Variants in KIZ observed in about 807,000 individuals in gnomAD.
KIZ encodes the protein kizuna centrosomal protein.
In KIZ, 68 loss-of-function variants were observed where a neutral mutation model predicts 79.6. The observed-to-expected ratio is 0.85, with a 90% CI of 0.70 to 1.05. KIZ has a LOEUF of 1.05. Ranked by LOEUF, KIZ falls within the 50% of genes least tolerant of loss-of-function variation. The pLI is 0.00. For synonymous variants in KIZ, 280 were observed against 281.8 expected, an observed-to-expected ratio of 0.99 and a Z score of 0.06; for missense variants, 797 against 800.4, an observed-to-expected ratio of 1.00 and a Z score of 0.05.
rs1408018999 is a variant in KIZ at position 21,162,008 on chromosome 20, G to T, written c.543G>T (p.Gln181His). ...RDFSTEHKSPQPTKNFSIPDP... is the reference protein window; with the variant it reads ...RDFSTEHKSPHPTKNFSIPDP... ...TCAGTACAGAGCACAAATCTCCCCA[G>T]CCCACAAAGAACTTTTCAATTCCTG... The change falls in exon 5 of 13, where the codon CAG becomes CAT. Residue 181 changes from glutamine (Q) to histidine (H), a missense_variant. By Grantham distance (24) the Gln-to-His change is conservative. Transcript: ENST00000619189. 1 of 1,613,914 alleles carries T rather than the reference G, an allele frequency of 6.2e-7. No homozygotes were observed. The highest frequency in any genetic ancestry group is 1.7e-5 in the Admixed American group (1 of 60,014).
chr20:21,190,410 T>G (rs2035060987), intron 6 of KIZ, among the ~76,000 whole-genome samples: 1 of 152,228 alleles, frequency 6.6e-6, no homozygotes. Flanking sequence ...TGTTTAAATC[T>G]TAATTTGCAT....
In KIZ at chr20:21,214,604, T is replaced by C. The variant is rs779494512; in HGVS notation, c.1516T>C (p.Ser506Pro). The change falls in exon 8 of 13, where the codon TCA (serine) becomes CCA (proline). Residue 506 changes from serine to proline, a missense_variant. Coordinates refer to ENST00000619189, the MANE Select transcript of KIZ (RefSeq NM_018474.6). ...TAGGTCAGCTATTCACAGTAGTGAA[T>C]CATCTTGCAGCTTGCCATCTATTCT... ...GRRSAIHSSE[S>P]SCSLPSILND... 15 of 1,613,058 alleles carry C rather than the reference T, an allele frequency of 9.3e-6. No homozygotes were observed. The highest frequency in any genetic ancestry group is 1.3e-5 in the Non-Finnish European group (15 of 1,179,242).
In KIZ at chr20:21,163,138, C is replaced by G. The variant is rs80251208; in HGVS notation, c.1331C>G (p.Ser444Cys). The change falls in exon 6 of 13, where the codon TCC becomes TGC. Residue 444 changes from serine (S) to cysteine (C), a missense_variant. Physicochemically the swap from Ser to Cys is moderately radical, Grantham distance 112. Transcript: ENST00000619189. ...TCTCCTGATTCAGAAAAGGAATCCT[C>G]CACTAACGCACCAACAAGAGAGTAA... Reference protein sequence around the residue: ...LSSPDSEKESSTNAPTREPGQ... With the variant: ...LSSPDSEKESCTNAPTREPGQ... 3.9e-4 allele frequency: 624 copies of G among 1,610,948 alleles called. 4 individuals carry two copies. The African/African-American group carries it at 7.7e-3, about 20-fold the overall frequency.
intron 1 of KIZ, among the ~76,000 whole-genome samples, chr20:21,126,602 G>A (rs1250280407): frequency 6.6e-6 from 1 of 152,106 alleles, no homozygotes; most frequent in African/African-American, 2.4e-5. Context: ...ATCCCGCCGT[G>A]ACAGCTGCAC....
At chr20:21,141,798 A>AACACACAC (rs373681499) in intron 3 of KIZ, among the ~76,000 whole-genome samples, 1 of 133,274 alleles carries the variant, frequency 7.5e-6, no homozygotes, top group African/African-American at 2.7e-5. Context: ...TACTCCTCCC[A>AACACACAC]ACACACACAC....
chr20:21,140,462 G>T (rs895409464), intron 3 of KIZ, among the ~76,000 whole-genome samples: 3 of 152,140 alleles, frequency 2.0e-5, no homozygotes, highest in Non-Finnish European at 4.4e-5. Context: ...GAGGTGGGCT[G>T]GGCCCAGTTC....
chr20:21,230,449 C>G (rs756139075), intron 10 of KIZ, among the ~76,000 whole-genome samples: 1 of 152,144 alleles, frequency 6.6e-6, no homozygotes, highest in Admixed American at 6.5e-5. Context: ...CACTGGGCAA[C>G]AGAGCAAGAC....
At chr20:21,152,276 TTAA>T (rs2033158138) in intron 4 of KIZ, among the ~76,000 whole-genome samples, 1 of 152,166 alleles carries the variant, frequency 6.6e-6, no homozygotes, top group Non-Finnish European at 1.5e-5. Flanking sequence ...TTTCTATAAT[TTAA>T]TAATTTTTAT....
chr20:21,204,105 G>GTTGTTTTTTTTTTTTTTTTTTTTT (rs2035706891), intron 6 of KIZ, among the ~76,000 whole-genome samples: 1 of 74,998 alleles, frequency 1.3e-5, no homozygotes, highest in African/African-American at 5.5e-5. Flanking sequence ...AGTCATCTAT[G>GTTGTTTTTTTTTTTTTTTTTTTTT]TTTTTTTTTT....
chr20:21,161,769 T>A (rs779797905), intron 4 of KIZ, 102 bp from the exon 5 acceptor site: 1 of 743,074 alleles, frequency 1.3e-6, no homozygotes, highest in Admixed American at 2.9e-5. Flanking sequence ...ATTTCAATAA[T>A]CATGCTTTGT....
Position 21,126,218 on chromosome 20 carries a change from G to T in KIZ, c.89+14G>T. 1 of 1,412,984 alleles carries T rather than the reference G, an allele frequency of 7.1e-7. No individual in the cohort carries two copies. The allele number at this position is 1,412,984 out of a possible 1,614,324, so 87.5% of individuals were successfully genotyped here. On this transcript the variant is annotated intron_variant, in intron 1 of 12. Coordinates refer to ENST00000619189, the MANE Select transcript of KIZ (RefSeq NM_018474.6). ...GCTGCGGGACAGGTAAGGGCACTGG[G>T]GCGGGGGTGGGGAGTCGGCCCGCGC...
chr20:21,181,025 A>G (rs1210223150), intron 6 of KIZ, among the ~76,000 whole-genome samples: 1 of 152,224 alleles, frequency 6.6e-6, no homozygotes, highest in African/African-American at 2.4e-5. Context: ...ATACAGCAGT[A>G]GGTAACCGGA....
At chr20:21,162,718 C>A in intron 5 of KIZ, 132 bp from the exon 6 acceptor site, 1 of 861,814 alleles carries the variant, frequency 1.2e-6, no homozygotes, top group Non-Finnish European at 1.8e-6. Flanking sequence ...CGTGTTTAAG[C>A]TTTTAAGTTC....
intron 9 of KIZ, 90 bp downstream of exon 9, chr20:21,215,738 A>T (rs1013858255): frequency 2.7e-6 from 2 of 748,758 alleles, no homozygotes; most frequent in Non-Finnish European, 4.6e-6. Context: ...TGTGGACCCC[A>T]CTAAGAGCAC....
intron 4 of KIZ, 58 bp from the exon 5 acceptor site, chr20:21,161,813 A>ATC (rs1555876844): frequency 1.8e-6 from 2 of 1,087,986 alleles, no homozygotes; most frequent in Non-Finnish European, 2.6e-6. Context: ...AAAAAAAAAA[A>ATC]CCCCACCTAA....
chr20:21,206,825 G>C (rs2035846813), intron 7 of KIZ, among the ~76,000 whole-genome samples: 2 of 152,158 alleles, frequency 1.3e-5, no homozygotes, highest in Admixed American at 1.3e-4. Flanking sequence ...GGCCTGATTT[G>C]GGAGCTGGTG....
chr20:21,242,649 T>C (rs1156483987), intron 11 of KIZ, among the ~76,000 whole-genome samples: 1 of 151,834 alleles, frequency 6.6e-6, no homozygotes, highest in Non-Finnish European at 1.5e-5. Context: ...TTGGGGAGAC[T>C]AGTGGGTCAG....
At chr20:21,126,478 A>G (rs372224519) in intron 1 of KIZ, among the ~76,000 whole-genome samples, 26 of 152,280 alleles carry the variant, frequency 1.7e-4, no homozygotes, top group Middle Eastern at 3.4e-3. Flanking sequence ...GCCGCGTCAC[A>G]GAATTTGCCC....
intron 4 of KIZ, among the ~76,000 whole-genome samples, chr20:21,149,454 G>T (rs77462918): frequency 0.017 from 2,633 of 152,254 alleles, 71 homozygotes; most frequent in African/African-American, 0.059. Flanking sequence ...GGCTTTGTTG[G>T]GCAGAAGAAA....
Sources: allele counts gnomAD v4.1 joint callset (sites outside exome capture counted in the v4.1 genomes callset), GRCh38; gene constraint gnomAD v4.1.1; transcripts MANE v1.5; gene names NCBI Gene and HGNC (gene_info 2026-07-23, HGNC 2026-07-21).